Variants in CNTNAP1 observed in about 807,000 individuals in gnomAD.
The protein encoded by CNTNAP1 is contactin-associated protein 1.
Under a neutral mutation model 161.5 loss-of-function variants are expected in CNTNAP1, and 80 were observed. The ratio of observed to expected loss-of-function variants is 0.50; its 90% CI spans 0.41 to 0.60. CNTNAP1 has a LOEUF of 0.60. CNTNAP1 is among the 20% of genes least tolerant of loss of function. The probability of loss-of-function intolerance (pLI) is 0.00; values close to 1 mark genes in which losing one functional copy is unlikely to be tolerated. For missense variants in CNTNAP1, 1,464 were observed against 1,854.8 expected, an observed-to-expected ratio of 0.79 and a Z score of 3.87; for synonymous variants, 695 against 733.1, an observed-to-expected ratio of 0.95 and a Z score of 0.84.
chr17:42,693,297 G>T lies in CNTNAP1; in HGVS notation c.2753G>T (p.Gly918Val). 6.2e-7 allele frequency: 1 copy of T among 1,614,062 alleles called. No homozygotes were observed. Among genetic ancestry groups the T allele is most frequent in the Non-Finnish European group, 8.5e-7 (1 of 1,179,948 alleles). Residue 918 changes from glycine to valine, a missense_variant and splice_region_variant, in exon 18 of 24, where the codon GGA becomes GTA. Physicochemically the swap from Gly to Val is moderately radical, Grantham distance 109. This residue lies in a region of CNTNAP1 where 1,383 missense variants were observed against 1,765.0 expected (regional missense o/e 0.78). Coordinates refer to ENST00000264638, the MANE Select transcript of CNTNAP1 (RefSeq NM_003632.3). ...TTGACCTGTTGCCTACCCTTCCCAG[G>T]ATCTGCAGAGCTTAAGAGACGCCCC... ...WMEYDQPLYVGSAELKRRPFV... is the reference protein window; with the variant it reads ...WMEYDQPLYVVSAELKRRPFV...
At chr17:42,686,479 T>TTTTTTTG (rs1597805110) in intron 6 of CNTNAP1, among the ~76,000 whole-genome samples, 2 of 118,274 alleles carry the variant, frequency 1.7e-5, no homozygotes, top group Non-Finnish European at 3.1e-5. Context: ...GTTTTTTTTT[T>TTTTTTTG]TTTTTTTTTT....
rs2053034355 is a variant in CNTNAP1, at chr17:42,687,666, A to C, written c.1045-54A>C. ...AGACCGGTGTGAAAACTGAATTCCC[A>C]GCTGAGGCAGAGGCGGCTCACGGGT... On this transcript the variant is annotated intron_variant, in intron 7 of 23. Coordinates refer to ENST00000264638, the MANE Select transcript of CNTNAP1 (RefSeq NM_003632.3). The surrounding 1 kb of genome is among the most constrained non-coding windows in gnomAD (Gnocchi z 4.7). 2 of 1,588,664 alleles carry C rather than the reference A, an allele frequency of 1.3e-6. No homozygotes were observed. The highest frequency in any genetic ancestry group is 3.5e-5 in the Admixed American group (2 of 57,632).
chr17:42,697,692 C>T lies in CNTNAP1; in HGVS notation c.3707C>T (p.Ala1236Val). The change falls in exon 22 of 24, where the codon GCT becomes GTT. Residue 1236 changes from alanine to valine, a missense_variant. Physicochemically the swap from Ala to Val is moderately conservative, Grantham distance 64. Transcript: ENST00000264638. Reference protein sequence around the residue: ...RTPRPMTAELAEALRVQGELS... With the variant: ...RTPRPMTAELVEALRVQGELS... ...CCTCGACCCATGACTGCTGAGCTAG[C>T]TGAGGCCCTTCGAGTTCAGGGAGAA... 1 of 1,614,178 alleles carries T rather than the reference C, an allele frequency of 6.2e-7. No individual in the cohort carries two copies.
At position 42,691,892 on chromosome 17, in the gene CNTNAP1, T is replaced by G; in HGVS notation, c.2431T>G (p.Phe811Val). The G allele has an allele frequency of 6.2e-7, 1 of 1,614,148 alleles. No individual in the cohort carries two copies. The highest frequency in any genetic ancestry group is 8.5e-7 in the Non-Finnish European group (1 of 1,180,016). Residue 811 changes from phenylalanine (F) to valine (V), a missense_variant, in exon 16 of 24, where the codon TTC becomes GTC. Transcript: ENST00000264638. The surrounding 1 kb of genome is among the most constrained non-coding windows in gnomAD (Gnocchi z 4.3). ...TGCCAACCACAGCCTGGATGTCTCC[T>G]TCTACTTCAGGACCTCTGCTCCCTC... is the stretch of plus-strand genomic sequence containing the variant. ...IRANHSLDVS[F>V]YFRTSAPSGV... is the part of the protein sequence containing the mutation.
At chr17:42,688,683 G>A in intron 9 of CNTNAP1, 72 bp downstream of exon 9, 1 of 1,598,300 alleles carries the variant, frequency 6.3e-7, no homozygotes, top group Admixed American at 1.7e-5. Flanking sequence ...ACCCAGATGG[G>A]GCCACATGGA....
chr17:42,686,384 A>T lies in CNTNAP1; in HGVS notation c.900+243A>T, dbSNP rs566985415. Reference sequence around the variant, plus strand: ...TGACATCCTACCTCTATTTAAAAAAATTTTTTTTTTCAAAGACCTCGCATT... The same window carrying T: ...TGACATCCTACCTCTATTTAAAAAATTTTTTTTTTTCAAAGACCTCGCATT... On this transcript the variant is annotated intron_variant, in intron 6 of 23. Coordinates refer to ENST00000264638, the MANE Select transcript of CNTNAP1 (RefSeq NM_003632.3). Among the ~76,000 whole-genome samples, 292 of 145,414 alleles carry T rather than the reference A, an allele frequency of 2.0e-3. 1 individual carries two copies. Among genetic ancestry groups the T allele is most frequent in the African/African-American group, 6.2e-3 (249 of 40,108 alleles).
At chr17:42,683,948 C>T in intron 2 of CNTNAP1, 26 bp downstream of exon 2, 1 of 1,613,168 alleles carries the variant, frequency 6.2e-7, no homozygotes, top group Non-Finnish European at 8.5e-7. Flanking sequence ...CATCAGCTGC[C>T]AACTGGCAGC....
Position 42,699,129 on chromosome 17 carries a change from GT to G in CNTNAP1, c.*222del, listed in dbSNP as rs2053194610. ...CTAAACCAATGCCCTTCTCATCCCT[GT>G]TTCCCCAGGCTCCTGGCTGTTTATC... On this transcript the variant is annotated 3_prime_UTR_variant, in exon 24 of 24. Coordinates refer to ENST00000264638, the MANE Select transcript of CNTNAP1 (RefSeq NM_003632.3). 3 of 441,302 alleles carry G rather than the reference GT, an allele frequency of 6.8e-6. No homozygotes were observed. The highest frequency in any genetic ancestry group is 4.0e-5 in the African/African-American group (2 of 49,752). The allele number at this position is 441,302 out of a possible 1,614,324, so 27.3% of individuals were successfully genotyped here.
chr17:42,691,335 G>A lies in CNTNAP1; in HGVS notation c.2216+42G>A, dbSNP rs545805988. 2 of 1,614,084 alleles carry A rather than the reference G, an allele frequency of 1.2e-6. No homozygotes were observed. The highest frequency in any genetic ancestry group is 2.2e-5 in the East Asian group (1 of 44,876). On this transcript the variant is annotated intron_variant, in intron 14 of 23. Coordinates refer to ENST00000264638, the MANE Select transcript of CNTNAP1 (RefSeq NM_003632.3). This position sits in a 1 kb window ranked among gnomAD's most constrained non-coding sequence, Gnocchi z 4.3. ...ACAGGGTTTTTAGGACTCCGGGAGT[G>A]GGAGGAGCTGAGTGGCTGGGGCTGA... is the stretch of plus-strand genomic sequence containing the variant.
chr17:42,685,165 G>T lies in CNTNAP1; in HGVS notation c.511+27G>T, dbSNP rs764826957. ...TAAGTGTGCAGAGAGCGCGGAGGGG[G>T]CCTGGGAGACAGCCTCCCCAGTTCC... On this transcript the variant is annotated intron_variant, in intron 4 of 23. Transcript: ENST00000264638. The surrounding 1 kb of genome is among the most constrained non-coding windows in gnomAD (Gnocchi z 5.0). The T allele has an allele frequency of 6.1e-5, 98 of 1,608,998 alleles. No individual in the cohort carries two copies. Among genetic ancestry groups the T allele is most frequent in the Non-Finnish European group, 7.6e-5 (90 of 1,177,268 alleles).
intron 1 of CNTNAP1, 97 bp downstream of exon 1, chr17:42,682,993 C>G: frequency 8.4e-7 from 1 of 1,185,370 alleles, no homozygotes; most frequent in Non-Finnish European, 1.2e-6. Flanking sequence ...GTCGCGGGTC[C>G]TTCCCGGCCG....
chr17:42,699,154 T>G lies in CNTNAP1; in HGVS notation c.*244T>G, dbSNP rs1191804334. ...GTTTCCCCAGGCTCCTGGCTGTTTA[T>G]CTGCCCCAAAGGAGAAGCCTCATGG... On this transcript the variant is annotated 3_prime_UTR_variant, in exon 24 of 24. Coordinates refer to ENST00000264638, the MANE Select transcript of CNTNAP1 (RefSeq NM_003632.3). The G allele has an allele frequency of 7.0e-6, 3 of 428,450 alleles. No homozygotes were observed. Among genetic ancestry groups the G allele is most frequent in the African/African-American group, 2.0e-5 (1 of 49,666 alleles). The allele number at this position is 428,450 out of a possible 1,614,324, so 26.5% of individuals were successfully genotyped here.
In CNTNAP1 at chr17:42,698,672, T is replaced by C. The variant is rs1173006756; in HGVS notation, c.3917T>C (p.Leu1306Pro). Residue 1306 changes from leucine to proline, a missense_variant, in exon 24 of 24, where the codon CTG (leucine) becomes CCG (proline). Coordinates refer to ENST00000264638, the MANE Select transcript of CNTNAP1 (RefSeq NM_003632.3). The part of the protein sequence containing the change: ...GLVGMLVLFY[L>P]QNHRYKGSYH... ...GTGGGAATGTTGGTGCTCTTCTATC[T>C]GCAAAATCATCGCTATAAGGGCTCC... 1.2e-6 allele frequency: 2 copies of C among 1,610,996 alleles called. No individual in the cohort carries two copies. The highest frequency in any genetic ancestry group is 1.1e-5 in the South Asian group (1 of 90,968).
In CNTNAP1 at chr17:42,689,521, G is replaced by A; in HGVS notation, c.1629G>A (p.Arg543=). The change falls in exon 11 of 24, where the codon AGG becomes AGA. Residue 543 remains arginine (R), a splice_region_variant and synonymous_variant. Coordinates refer to ENST00000264638, the MANE Select transcript of CNTNAP1 (RefSeq NM_003632.3). ...VLFDTCGITD[R]CSPNMCEHDG... ...CCCTTGGTCCTGACCCCTTCCCTAGGTGCAGCCCTAACATGTGTGAGCATG... is the reference window on the plus strand; with the variant it reads ...CCCTTGGTCCTGACCCCTTCCCTAGATGCAGCCCTAACATGTGTGAGCATG... 2 of 1,612,952 alleles carry A rather than the reference G, an allele frequency of 1.2e-6. No homozygotes were observed. The highest frequency in any genetic ancestry group is 1.3e-5 in the African/African-American group (1 of 74,962).
Position 42,691,417 on chromosome 17 carries a change from C to A in CNTNAP1, c.2250C>A (p.Asp750Glu), listed in dbSNP as rs770900986. Residue 750 changes from aspartate to glutamate, a missense_variant, in exon 15 of 24, where the codon GAC becomes GAA. By Grantham distance (45) the Asp-to-Glu change is conservative. Around this residue, in one of 3 missense-constraint regions of CNTNAP1, gnomAD observed 1,383 missense variants for 1,765.0 expected, o/e 0.78. Transcript: ENST00000264638. This position sits in a 1 kb window ranked among gnomAD's most constrained non-coding sequence, Gnocchi z 4.3. ...ACAAGGGACTGCTGACCTTTGTGGA[C>A]CATCTGCCTGTCACTCAGGTAGTGA... ...RTDKGLLTFV[D>E]HLPVTQVVIG... 1.2e-5 allele frequency: 19 copies of A among 1,614,096 alleles called. No individual in the cohort carries two copies. The highest frequency in any genetic ancestry group is 1.5e-5 in the Non-Finnish European group (18 of 1,180,002).
rs2052970449 is a variant in CNTNAP1 at position 42,683,870 on chromosome 17, C to T, written c.117C>T (p.Gly39=). The change falls in exon 2 of 24, where the codon GGC becomes GGT. Residue 39 remains glycine, a synonymous_variant. Transcript: ENST00000264638. ...GTCCCCTGTATGCACGCTCCCTGGG[C>T]GCCTCCTCCTACTACAGTCTCCTTA... ...LVGPLYARSL[G]ASSYYSLLTA... The T allele has an allele frequency of 6.2e-7, 1 of 1,613,112 alleles. No homozygotes were observed. The highest frequency in any genetic ancestry group is 1.1e-5 in the South Asian group (1 of 91,086).
chr17:42,695,997 C>T, intron 19 of CNTNAP1, 28 bp from the exon 20 acceptor site: 1 of 1,611,772 alleles, frequency 6.2e-7, no homozygotes, highest in Non-Finnish European at 8.5e-7. Flanking sequence ...GGGCCTGAGA[C>T]CCCAAATTTC....
chr17:42,696,561 G>T (rs2053154940), intron 20 of CNTNAP1, among the ~76,000 whole-genome samples: 1 of 152,170 alleles, frequency 6.6e-6, no homozygotes, highest in Admixed American at 6.5e-5. Flanking sequence ...GACCTCAGAT[G>T]ATCCGCCTAC....
Position 42,697,328 on chromosome 17 carries a change from T to A in CNTNAP1, c.3529T>A (p.Leu1177Met), listed in dbSNP as rs570146382. The A allele has an allele frequency of 1.9e-6, 3 of 1,613,090 alleles. No individual in the cohort carries two copies. The highest frequency in any genetic ancestry group is 2.5e-6 in the Non-Finnish European group (3 of 1,179,556). Residue 1177 changes from leucine to methionine, a missense_variant, in exon 21 of 24, where the codon TTG becomes ATG. Coordinates refer to ENST00000264638, the MANE Select transcript of CNTNAP1 (RefSeq NM_003632.3). The part of the protein sequence containing the change: ...QKFSLLVDSQ[L>M]DSPKALYLGR... ...GTTCTCGCTGTTGGTGGACAGCCAGTTGGACTCACCCAAGGCCTTGTATTT... is the reference window on the plus strand; with the variant it reads ...GTTCTCGCTGTTGGTGGACAGCCAGATGGACTCACCCAAGGCCTTGTATTT...
Sources: gnomAD v4.1 joint callset for allele counts (sites outside exome capture counted in the v4.1 genomes callset) on GRCh38, gnomAD v4.1.1 for gene constraint, gnomAD v4.1.1 regional missense constraint, Gnocchi (gnomAD v3.1) non-coding constraint, MANE v1.5 for transcripts, NCBI Gene and HGNC (gene_info 2026-07-23, HGNC 2026-07-21) for gene names.